EPRS1: variants seen among roughly 807,000 people sequenced by gnomAD.
EPRS1 encodes the protein glutamyl-prolyl-tRNA synthetase 1.
A neutral mutation model predicts 188.3 loss-of-function variants in EPRS1; 107 were observed. The observed-to-expected ratio is 0.57, with a 90% confidence interval of 0.49 to 0.67. EPRS1 has a LOEUF of 0.67. Among genes scored for constraint, EPRS1 ranks in the 30% least tolerant of loss-of-function variants. The pLI, the probability that EPRS1 is intolerant of heterozygous loss-of-function variation, is 0.00. For synonymous variants in EPRS1, 596 were observed against 593.1 expected (o/e 1.00, Z -0.07); for missense variants, 1,577 against 1,802.2 (o/e 0.88, Z 2.26).
At chr1:219,979,706 CACT>C (rs1660855617) in intron 26 of EPRS1, 91 bp from the exon 27 acceptor site, 1 of 832,086 alleles carries the variant, frequency 1.2e-6, no homozygotes, top group African/African-American at 1.7e-5. Context: ...TTTAAAATGG[CACT>C]ACACTTTTTT....
Position 220,040,232 on chromosome 1 carries a change from G to T in EPRS1, c.84C>A (p.Val28=). 6.2e-7 allele frequency: 1 copy of T among 1,610,384 alleles called. No individual in the cohort carries two copies. The highest frequency in any genetic ancestry group is 8.5e-7 in the Non-Finnish European group (1 of 1,177,256). ...LLAVEHVKDD[V]SISVEEGKEN... ...CTTTCCCTTCTTCAACGGAAATGCT[G>T]ACATCGTCTTTCACGTGTTCTACTG... The change falls in exon 2 of 32, where the codon GTC becomes GTA. Residue 28 remains valine (V), a synonymous_variant. Coordinates refer to ENST00000366923, the MANE Select transcript of EPRS1 (RefSeq NM_004446.3).
Position 220,022,422 on chromosome 1 carries a change from T to G in EPRS1, c.1040A>C (p.Asn347Thr), listed in dbSNP as rs1292690271. 4 of 1,614,184 alleles carry G rather than the reference T, an allele frequency of 2.5e-6. No individual in the cohort carries two copies. In the South Asian group the frequency reaches 4.4e-5, roughly 18 times the overall value. ...GGTTGGATCTCTCATGCATCCATTGTTACTACTCATGTCAATTTTTGCTCG... is the reference window on the plus strand; with the variant it reads ...GGTTGGATCTCTCATGCATCCATTGGTACTACTCATGTCAATTTTTGCTCG... The part of the protein sequence containing the change: ...CLRAKIDMSS[N>T]NGCMRDPTLY... Residue 347 changes from asparagine (N) to threonine (T), a missense_variant, in exon 9 of 32, where the codon AAC becomes ACC. Around this residue, in one of 3 missense-constraint regions of EPRS1, gnomAD observed 1,278 missense variants for 1,457.4 expected, o/e 0.88. Transcript: ENST00000366923.
In EPRS1 at chr1:220,037,586, C is replaced by T. The variant is rs76572433; in HGVS notation, c.132-2573G>A. ...AATAAAGGACTAATCCCAACATCCA[C>T]ATAAAGAACCAAAAATAGAGAGAAA... On this transcript the variant is annotated intron_variant, in intron 2 of 31. Transcript: ENST00000366923. Among the ~76,000 whole-genome samples the T allele has an allele frequency of 3.6e-3, 535 of 150,372 alleles. 27 individuals are homozygous for T. The East Asian group carries it at 0.086, about 24-fold the overall frequency.
Position 219,997,081 on chromosome 1 carries a change from T to G in EPRS1, c.2443A>C (p.Asn815His). 1 of 1,614,034 alleles carries G rather than the reference T, an allele frequency of 6.2e-7. No homozygotes were observed. The highest frequency in any genetic ancestry group is 8.5e-7 in the Non-Finnish European group (1 of 1,179,938). ...PAEIGQNISS[N>H]SSASILESKS... ...CTTTCCAGAATACTTGCTGAGGAAT[T>G]AGAAGAAATATTCTGTCCTATTTCA... Residue 815 changes from asparagine (N) to histidine (H), a missense_variant, in exon 18 of 32, where the codon AAT (asparagine) becomes CAT (histidine). By Grantham distance (68) the Asn-to-His change is moderately conservative. Transcript: ENST00000366923.
At chr1:219,973,474 A>G in intron 28 of EPRS1, 76 bp from the exon 29 acceptor site, 2 of 1,017,910 alleles carry the variant, frequency 2.0e-6, no homozygotes, top group Non-Finnish European at 2.7e-6. Context: ...TCATGGCTTT[A>G]GCTACCATAA....
At chr1:219,978,830 G>A in intron 27 of EPRS1, 111 bp from the exon 28 acceptor site, 3 of 741,332 alleles carry the variant, frequency 4.0e-6, no homozygotes, top group Non-Finnish European at 6.5e-6. Context: ...AATCAGCTGT[G>A]TGATTTCTAA....
At chr1:220,029,349 A>G (rs957292922) in intron 6 of EPRS1, among the ~76,000 whole-genome samples, 3 of 152,198 alleles carry the variant, frequency 2.0e-5, no homozygotes, top group African/African-American at 7.2e-5. Flanking sequence ...ATCTCCTTCT[A>G]TCTACCCTTT....
In EPRS1 at chr1:220,007,261, C is replaced by G; in HGVS notation, c.1683G>C (p.Ser561=). 1 of 1,613,812 alleles carries G rather than the reference C, an allele frequency of 6.2e-7. No homozygotes were observed. The highest frequency in any genetic ancestry group is 8.5e-7 in the Non-Finnish European group (1 of 1,179,806). Reference sequence around the variant, plus strand: ...TTATAAATGTAACCATCTCACCCTCCGAAAAAGTCTCTGCATCAGCACCTT... The same window carrying G: ...TTATAAATGTAACCATCTCACCCTCGGAAAAAGTCTCTGCATCAGCACCTT... ...FIEGADAETF[S]EGEMVTFINW... Residue 561 remains serine, a synonymous_variant, in exon 14 of 32, where the codon TCG becomes TCC. Transcript: ENST00000366923.
intron 26 of EPRS1, 63 bp downstream of exon 26, chr1:219,980,022 T>C: frequency 7.3e-7 from 1 of 1,362,906 alleles, no homozygotes. Flanking sequence ...CAGAAGAAAT[T>C]ATTGGATCTG....
intron 18 of EPRS1, among the ~76,000 whole-genome samples, chr1:219,993,383 A>G (rs1330259277): frequency 6.6e-6 from 1 of 152,268 alleles, no homozygotes; most frequent in Non-Finnish European, 1.5e-5. Context: ...GAGAAAAAGA[A>G]TAAGAGGAGC....
At chr1:219,982,543 G>C (rs141986554) in intron 23 of EPRS1, 1 of 354,664 alleles carries the variant, frequency 2.8e-6, no homozygotes, top group African/African-American at 2.1e-5. Context: ...ATAAAAATGA[G>C]TATTTAAATT....
chr1:219,988,618 C>T lies in EPRS1; in HGVS notation c.2747G>A (p.Arg916Gln), dbSNP rs761131320. The T allele has an allele frequency of 3.3e-5, 54 of 1,613,044 alleles. No individual in the cohort carries two copies. The highest frequency in any genetic ancestry group is 4.4e-5 in the South Asian group (4 of 91,046). The change falls in exon 19 of 32, where the codon CGG becomes CAG. Residue 916 changes from arginine to glutamine, a missense_variant. Physicochemically the swap from Arg to Gln is conservative, Grantham distance 43. Around this residue, in one of 3 missense-constraint regions of EPRS1, gnomAD observed 1,278 missense variants for 1,457.4 expected, o/e 0.88. Coordinates refer to ENST00000366923, the MANE Select transcript of EPRS1 (RefSeq NM_004446.3). The stretch of plus-strand genomic sequence containing the variant: ...AGGGGCTTTTTCAGTTTTAAGTTTC[C>T]GAACTACTTCCCCTTGAGAAGCTAC... ...DKVASQGEVV[R>Q]KLKTEKAPKD...
chr1:220,000,072 T>G (rs1385239392), intron 17 of EPRS1, among the ~76,000 whole-genome samples: 1 of 152,176 alleles, frequency 6.6e-6, no homozygotes, highest in Non-Finnish European at 1.5e-5. Context: ...ATACATAGGT[T>G]TTTAGTGGTT....
chr1:219,978,789 G>A (rs924395532), intron 27 of EPRS1, 70 bp from the exon 28 acceptor site: 18 of 1,166,224 alleles, frequency 1.5e-5, no homozygotes, highest in South Asian at 4.8e-5. Context: ...CTCAGAAGTC[G>A]AAACCTACCA....
intron 3 of EPRS1, among the ~76,000 whole-genome samples, chr1:220,034,339 G>A (rs889432450): frequency 6.6e-6 from 1 of 152,152 alleles, no homozygotes; most frequent in Non-Finnish European, 1.5e-5. Flanking sequence ...TAGCCTAGGT[G>A]GGTAGTAGGC....
chr1:220,041,840 GAA>G (rs999790642), intron 1 of EPRS1, among the ~76,000 whole-genome samples: 5 of 151,082 alleles, frequency 3.3e-5, no homozygotes, highest in African/African-American at 1.2e-4. Flanking sequence ...AATTCTGTCT[GAA>G]AAAAAAGATG....
intron 1 of EPRS1, among the ~76,000 whole-genome samples, 184 bp from the exon 2 acceptor site, chr1:220,040,453 C>G (rs1363417159): frequency 6.6e-6 from 1 of 152,162 alleles, no homozygotes; most frequent in Non-Finnish European, 1.5e-5. Flanking sequence ...AAATCAGAAT[C>G]CAGAATCCAT....
At chr1:219,999,781 C>T (rs1489628148) in intron 17 of EPRS1, among the ~76,000 whole-genome samples, 2 of 152,126 alleles carry the variant, frequency 1.3e-5, no homozygotes, top group Admixed American at 1.3e-4. Context: ...CAAGACCAGT[C>T]TGGCCAACAT....
chr1:219,972,047 A>G (rs776132512), intron 30 of EPRS1, 22 bp downstream of exon 30: 9 of 1,473,780 alleles, frequency 6.1e-6, no homozygotes, highest in Non-Finnish European at 8.3e-6. Context: ...CTTATACTGA[A>G]AAGTTTTCCA....
Sources: allele counts gnomAD v4.1 joint callset (sites outside exome capture counted in the v4.1 genomes callset), GRCh38; gene constraint gnomAD v4.1.1; regional missense constraint gnomAD v4.1.1; transcripts MANE v1.5; gene names NCBI Gene and HGNC (gene_info 2026-07-23, HGNC 2026-07-21).